Variants in RAPGEF5 observed in about 807,000 individuals in gnomAD.
The protein encoded by RAPGEF5 is M-Ras-regulated GEF.
A neutral mutation model predicts 125.2 loss-of-function variants in RAPGEF5; 65 were observed. That is an observed-to-expected ratio of 0.52 (90% CI 0.43 to 0.64). RAPGEF5 has a LOEUF of 0.64. Ranked by LOEUF, RAPGEF5 falls within the 30% of genes least tolerant of loss-of-function variation. The pLI, the probability that RAPGEF5 is intolerant of heterozygous loss-of-function variation, is 0.00. For missense variants in RAPGEF5, 958 were observed against 1,048.1 expected, an observed-to-expected ratio of 0.91 and a Z score of 1.19; for synonymous variants, 391 against 385.9, an observed-to-expected ratio of 1.01 and a Z score of -0.16.
At chr7:22,295,801 C>T (rs749406104) in intron 5 of RAPGEF5, among the ~76,000 whole-genome samples, 11 of 152,000 alleles carry the variant, frequency 7.2e-5, no homozygotes, top group Non-Finnish European at 1.3e-4. Context: ...CACGGTATTT[C>T]CTCCTCTCCA....
chr7:22,161,676 G>T (rs963519143), intron 13 of RAPGEF5, among the ~76,000 whole-genome samples: 1 of 152,072 alleles, frequency 6.6e-6, no homozygotes, highest in Non-Finnish European at 1.5e-5. Context: ...GGTTAGACTC[G>T]TTTTTAACTG....
intron 5 of RAPGEF5, among the ~76,000 whole-genome samples, chr7:22,294,937 G>C (rs905950599): frequency 6.6e-6 from 1 of 152,136 alleles, no homozygotes; most frequent in Non-Finnish European, 1.5e-5. Context: ...TCTATTCAAG[G>C]TGTGCCACAT....
At chr7:22,248,417 T>C (rs1219543215) in intron 7 of RAPGEF5, among the ~76,000 whole-genome samples, 1 of 152,160 alleles carries the variant, frequency 6.6e-6, no homozygotes, top group Non-Finnish European at 1.5e-5. Context: ...GAACTAGAGA[T>C]GTGAGGTGCC....
intron 12 of RAPGEF5, chr7:22,162,942 G>A (rs1456520831): frequency 4.4e-6 from 2 of 458,106 alleles, no homozygotes; most frequent in African/African-American, 2.0e-5. Context: ...GCCAGATGCT[G>A]TCTAGTCCTC....
chr7:22,119,129 T>C lies in RAPGEF5; in HGVS notation c.*3277A>G, dbSNP rs1782498063. On this transcript the variant is annotated 3_prime_UTR_variant, in exon 26 of 26. Coordinates refer to ENST00000665637, the MANE Select transcript of RAPGEF5 (RefSeq NM_012294.5). This position sits in a 1 kb window ranked among gnomAD's most constrained non-coding sequence, Gnocchi z 4.1. ...GGTGTCTGTGCTGGCTAGAACAGAC[T>C]CGCAGGGCTGGGATATGGGTAGCAG... 1 of 152,324 alleles carries C rather than the reference T, an allele frequency of 6.6e-6. No homozygotes were observed. Among genetic ancestry groups the C allele is most frequent in the East Asian group, 1.9e-4 (1 of 5,178 alleles). 9.4% of individuals were successfully genotyped at this position (152,324 alleles called of 1,614,324 possible).
rs769352847 is a variant in RAPGEF5 at position 22,136,172 on chromosome 7, A to G, written c.2329-47T>C. 5 of 1,374,850 alleles carry G rather than the reference A, an allele frequency of 3.6e-6. No homozygotes were observed. The Admixed American group carries it at 1.0e-4, about 27-fold the overall frequency. 85.2% of individuals were successfully genotyped at this position (1,374,850 alleles called of 1,614,324 possible). A position where few individuals can be genotyped will look rare whatever the true frequency, so the allele number is the denominator to read the frequency against. ...AAAGAGAAAGAAAAATCAATGTGCT[A>G]TAGAAACAATTCTAAATCCACCTTT... On this transcript the variant is annotated intron_variant, in intron 22 of 25. Coordinates refer to ENST00000665637, the MANE Select transcript of RAPGEF5 (RefSeq NM_012294.5).
intron 5 of RAPGEF5, among the ~76,000 whole-genome samples, chr7:22,297,772 C>A (rs1341568733): frequency 6.6e-6 from 1 of 152,136 alleles, no homozygotes; most frequent in Non-Finnish European, 1.5e-5. Context: ...TTTTTCTTGA[C>A]TTTTTGCACT....
rs140543253 is a variant in RAPGEF5 at position 22,240,951 on chromosome 7, T to C, written c.797-10032A>G. ...GCTCTGTGTGCTTTAGGCCATCTCA[T>C]TTAGCCCCTCCAACAAGCCCCAGAA... On this transcript the variant is annotated intron_variant, in intron 7 of 25. Coordinates refer to ENST00000665637, the MANE Select transcript of RAPGEF5 (RefSeq NM_012294.5). Among the ~76,000 whole-genome samples, 536 of 152,316 alleles carry C rather than the reference T, an allele frequency of 3.5e-3. 3 individuals carry two copies. The highest frequency in any genetic ancestry group is 0.012 in the African/African-American group (512 of 41,572).
rs147774314 is a variant in RAPGEF5, at chr7:22,197,119, C to A, written c.997-3086G>T. Reference sequence around the variant, plus strand: ...TCAGGAGACCCCAGGAGAAAGCCTGCCTGACACTGTAACATTTACAAAGAT... The same window carrying A: ...TCAGGAGACCCCAGGAGAAAGCCTGACTGACACTGTAACATTTACAAAGAT... On this transcript the variant is annotated intron_variant, in intron 9 of 25. Transcript: ENST00000665637. 3.2e-3 allele frequency among the ~76,000 whole-genome samples: 489 copies of A among 152,192 alleles called. 1 individual carries two copies. The highest frequency in any genetic ancestry group is 5.8e-3 in the Non-Finnish European group (394 of 68,018).
chr7:22,165,961 G>A (rs1360669250), intron 12 of RAPGEF5, among the ~76,000 whole-genome samples: 3 of 150,840 alleles, frequency 2.0e-5, no homozygotes, highest in Non-Finnish European at 2.9e-5. Flanking sequence ...GACCACAGGC[G>A]CATGCCATCA....
chr7:22,326,337 C>A (rs1030308650), intron 1 of RAPGEF5, among the ~76,000 whole-genome samples: 2 of 152,216 alleles, frequency 1.3e-5, no homozygotes, highest in Non-Finnish European at 2.9e-5. Flanking sequence ...AGTCCACAGA[C>A]CAAACCCGGT....
Position 22,121,642 on chromosome 7 carries a change from C to T in RAPGEF5, c.*764G>A, listed in dbSNP as rs1484137723. 2.0e-5 allele frequency: 3 copies of T among 152,190 alleles called. No homozygotes were observed. Among genetic ancestry groups the T allele is most frequent in the African/African-American group, 4.8e-5 (2 of 41,446 alleles). 9.4% of individuals were successfully genotyped at this position (152,190 alleles called of 1,614,324 possible). On this transcript the variant is annotated 3_prime_UTR_variant, in exon 26 of 26. Transcript: ENST00000665637. ...CCTGCTTAGAAGTATAAAGAAAATC[C>T]CCAGAAATTAAACAATGAGTCAATT...
intron 17 of RAPGEF5, among the ~76,000 whole-genome samples, chr7:22,153,748 A>AT (rs966220715): frequency 2.0e-5 from 3 of 151,990 alleles, no homozygotes; most frequent in Admixed American, 6.6e-5. Flanking sequence ...CTTTCTTTGT[A>AT]TTTTTTTCTC....
intron 6 of RAPGEF5, among the ~76,000 whole-genome samples, chr7:22,284,088 T>TGTGTGC (rs4000939): frequency 0.02 from 3,036 of 151,426 alleles, 47 homozygotes; most frequent in South Asian, 0.06. Context: ...TGTGTGTGTG[T>TGTGTGC]GCGCGTGCAT....
At chr7:22,339,161 T>A (rs1784080513) in intron 1 of RAPGEF5, among the ~76,000 whole-genome samples, 1 of 152,176 alleles carries the variant, frequency 6.6e-6, no homozygotes, top group Non-Finnish European at 1.5e-5. Context: ...ACACTGTGCA[T>A]GCAGCCCCTC....
intron 11 of RAPGEF5, among the ~76,000 whole-genome samples, chr7:22,183,693 G>A (rs1784745290): frequency 6.6e-6 from 1 of 152,214 alleles, no homozygotes; most frequent in African/African-American, 2.4e-5. Context: ...CACTGAAACT[G>A]ACTTCGAGGA....
intron 1 of RAPGEF5, chr7:22,356,236 G>A: frequency 1.0e-6 from 1 of 985,408 alleles, no homozygotes; most frequent in South Asian, 4.7e-5. Flanking sequence ...GAAGGTTCTT[G>A]GGGGCGTGCA....
intron 14 of RAPGEF5, 39 bp downstream of exon 14, chr7:22,160,479 T>C: frequency 6.6e-7 from 1 of 1,521,546 alleles, no homozygotes; most frequent in Non-Finnish European, 8.8e-7. Flanking sequence ...TGCTGCTGTT[T>C]TCTTTCATTA....
At chr7:22,179,190 T>C (rs141056887) in intron 11 of RAPGEF5, among the ~76,000 whole-genome samples, 5 of 152,100 alleles carry the variant, frequency 3.3e-5, no homozygotes, top group African/African-American at 1.2e-4. Context: ...TCTATAAGAG[T>C]AGATTTATTA....
Sources: gnomAD v4.1 joint callset for allele counts (sites outside exome capture counted in the v4.1 genomes callset) on GRCh38, gnomAD v4.1.1 for gene constraint, Gnocchi (gnomAD v3.1) non-coding constraint, MANE v1.5 for transcripts, NCBI Gene and HGNC (gene_info 2026-07-23, HGNC 2026-07-21) for gene names.